CFAP47: variants seen among roughly 807,000 people sequenced by gnomAD.
CFAP47 encodes the protein cilia and flagella associated protein 47, also known as cilia- and flagella-associated protein 47.
Under a neutral mutation model 148.1 loss-of-function variants are expected in CFAP47, and 29 were observed. The ratio of observed to expected loss-of-function variants is 0.20; its 90% CI spans 0.15 to 0.27. The LOEUF is 0.27. CFAP47 is among the 10% of genes least tolerant of loss of function. The pLI is 1.00. For synonymous variants in CFAP47, 664 were observed against 577.3 expected (o/e 1.15, Z -2.15); for missense variants, 1,872 against 1,697.5 (o/e 1.10, Z -1.81).
intron 32 of CFAP47, among the ~76,000 whole-genome samples, chrX:36,103,618 A>G (rs181905152): frequency 1.6e-3 from 175 of 108,789 alleles, no homozygotes; most frequent in Non-Finnish European, 2.8e-3. Flanking sequence ...CAGGGTATCA[A>G]TAGTATCTTT....
intron 26 of CFAP47, among the ~76,000 whole-genome samples, chrX:36,058,452 A>G (rs1299097787): frequency 8.9e-6 from 1 of 111,983 alleles, no homozygotes; most frequent in Admixed American, 9.5e-5. Flanking sequence ...AACCATTTTC[A>G]TAGATTACAG....
At chrX:35,980,981 G>A (rs1438004996) in intron 15 of CFAP47, among the ~76,000 whole-genome samples, 1 of 110,003 alleles carries the variant, frequency 9.1e-6, no homozygotes, top group East Asian at 2.8e-4. Flanking sequence ...ATATAAAATT[G>A]CTCTCTTTGT....
intron 48 of CFAP47, among the ~76,000 whole-genome samples, chrX:36,248,587 TGTTA>T (rs1172540704): frequency 9.4e-6 from 1 of 106,450 alleles, no homozygotes; most frequent in Non-Finnish European, 1.9e-5. Flanking sequence ...GAAACAACAA[TGTTA>T]GTTGGAGGTT....
intron 49 of CFAP47, among the ~76,000 whole-genome samples, chrX:36,252,860 C>A (rs1327712836): frequency 8.9e-6 from 1 of 111,823 alleles, no homozygotes; most frequent in Non-Finnish European, 1.9e-5. Context: ...CTGTAGGAAG[C>A]AGTGAGTTCT....
chrX:35,941,250 A>G, intron 2 of CFAP47, 33 bp from the exon 3 acceptor site: 1 of 806,924 alleles, frequency 1.2e-6, no homozygotes, highest in South Asian at 2.4e-5. Context: ...TGATTGTTAA[A>G]TTAATTATGT....
intron 25 of CFAP47, among the ~76,000 whole-genome samples, chrX:36,043,936 A>C (rs1937435174): frequency 8.9e-6 from 1 of 112,871 alleles, no homozygotes; most frequent in Non-Finnish European, 1.9e-5. Context: ...GTGTTTCCAT[A>C]CATCCTCTGA....
At position 36,231,194 on chromosome X, in the gene CFAP47, A is replaced by G. The variant is rs781785588; in HGVS notation, c.7014+2370A>G. 1.3e-4 allele frequency among the ~76,000 whole-genome samples: 14 copies of G among 111,415 alleles called. No homozygotes were observed. In the East Asian group the frequency reaches 4.0e-3, roughly 31 times the overall value. On this transcript the variant is annotated intron_variant, in intron 46 of 63. Coordinates refer to ENST00000378653, the MANE Select transcript of CFAP47 (RefSeq NM_001304548.2). Reference sequence around the variant, plus strand: ...GGGGATGGCATTGAATCTATAAATTACTTTGGGCAGTATGGCCATTTTCAT... The same window carrying G: ...GGGGATGGCATTGAATCTATAAATTGCTTTGGGCAGTATGGCCATTTTCAT...
intron 26 of CFAP47, among the ~76,000 whole-genome samples, chrX:36,052,839 T>C (rs1328250101): frequency 8.9e-6 from 1 of 112,531 alleles, no homozygotes; most frequent in Non-Finnish European, 1.9e-5. Flanking sequence ...AGTGCATAAT[T>C]TGGCATTTGG....
intron 26 of CFAP47, among the ~76,000 whole-genome samples, chrX:36,052,249 G>A (rs957877947): frequency 6.3e-5 from 7 of 111,828 alleles, no homozygotes; most frequent in African/African-American, 2.3e-4. Flanking sequence ...AATAAAAATT[G>A]ATTGTTTTCC....
intron 2 of CFAP47, among the ~76,000 whole-genome samples, chrX:35,928,004 T>TATAC (rs1372158402): frequency 3.6e-4 from 38 of 106,104 alleles, no homozygotes; most frequent in African/African-American, 1.2e-3. Flanking sequence ...ATTTTATATA[T>TATAC]ATATATATAT....
chrX:35,943,844 G>A (rs1936047076), intron 3 of CFAP47, among the ~76,000 whole-genome samples: 1 of 110,841 alleles, frequency 9.0e-6, no homozygotes, highest in Admixed American at 9.7e-5. Flanking sequence ...GCACATGGTA[G>A]GTGTATATAT....
intron 31 of CFAP47, among the ~76,000 whole-genome samples, chrX:36,099,233 C>T (rs1295683654): frequency 9.0e-6 from 1 of 111,297 alleles, no homozygotes; most frequent in Admixed American, 9.7e-5. Context: ...TTTTCTTCTT[C>T]GTTTTCAGGG....
intron 21 of CFAP47, among the ~76,000 whole-genome samples, chrX:36,009,201 T>C (rs1308439601): frequency 9.0e-6 from 1 of 111,309 alleles, no homozygotes; most frequent in Non-Finnish European, 1.9e-5. Flanking sequence ...ACATACTCTT[T>C]GGCAGTATTT....
At chrX:35,940,482 G>T (rs1414051410) in intron 2 of CFAP47, among the ~76,000 whole-genome samples, 2 of 111,510 alleles carry the variant, frequency 1.8e-5, no homozygotes, top group African/African-American at 3.3e-5. Context: ...TAGCTGACTA[G>T]ATACTCTGTT....
chrX:36,250,153 A>G (rs1940673680), intron 48 of CFAP47, among the ~76,000 whole-genome samples: 1 of 111,622 alleles, frequency 9.0e-6, no homozygotes, highest in South Asian at 3.7e-4. Flanking sequence ...TAGCCAAGAT[A>G]TGGACTGAAC....
At chrX:36,332,789 T>C (rs1556014241) in intron 57 of CFAP47, among the ~76,000 whole-genome samples, 1 of 112,189 alleles carries the variant, frequency 8.9e-6, no homozygotes, top group Admixed American at 9.5e-5. Context: ...TGGCAAATGA[T>C]GATACAATTA....
intron 48 of CFAP47, among the ~76,000 whole-genome samples, chrX:36,242,822 A>G (rs1555996274): frequency 2.7e-5 from 3 of 111,735 alleles, no homozygotes; most frequent in African/African-American, 9.8e-5. Flanking sequence ...TTAAAGAAAT[A>G]CAGAGAACCC....
intron 8 of CFAP47, among the ~76,000 whole-genome samples, chrX:35,961,934 T>A (rs975307880): frequency 7.2e-5 from 8 of 111,735 alleles, no homozygotes; most frequent in East Asian, 2.8e-4. Flanking sequence ...AAGTCTTTTT[T>A]AAAAAATACT....
At chrX:36,253,808 A>T in intron 49 of CFAP47, among the ~76,000 whole-genome samples, 1 of 111,248 alleles carries the variant, frequency 9.0e-6, no homozygotes, top group Non-Finnish European at 1.9e-5. Context: ...CTATCAAATA[A>T]CTTTTGCCAG....
Sources: allele counts gnomAD v4.1 joint callset (sites outside exome capture counted in the v4.1 genomes callset), GRCh38; gene constraint gnomAD v4.1.1; transcripts MANE v1.5; gene names NCBI Gene and HGNC (gene_info 2026-07-23, HGNC 2026-07-21).